PTPRT: variants seen among roughly 807,000 people sequenced by gnomAD.
PTPRT encodes protein tyrosine phosphatase receptor type T.
In PTPRT, 56 loss-of-function variants were observed where a neutral mutation model predicts 176.8. The ratio of observed to expected loss-of-function variants is 0.32; its 90% CI spans 0.26 to 0.40. The LOEUF (loss-of-function observed/expected upper bound fraction) is 0.40, where lower values mean the gene tolerates loss of function less well. Among genes scored for constraint, PTPRT ranks in the 10% least tolerant of loss-of-function variants. The probability of loss-of-function intolerance (pLI) is 1.00; values close to 1 mark genes in which losing one functional copy is unlikely to be tolerated. For missense variants in PTPRT, 1,540 were observed against 1,908.2 expected, an observed-to-expected ratio of 0.81 and a Z score of 3.60; for synonymous variants, 783 against 739.0, an observed-to-expected ratio of 1.06 and a Z score of -0.96.
intron 5 of PTPRT, among the ~76,000 whole-genome samples, chr20:42,762,124 T>C (rs1235483015): frequency 6.6e-6 from 1 of 152,194 alleles, no homozygotes; most frequent in Non-Finnish European, 1.5e-5. Flanking sequence ...AATATATATG[T>C]AAGAAGGAAC....
intron 9 of PTPRT, among the ~76,000 whole-genome samples, chr20:42,376,917 C>T (rs1422191360): frequency 6.6e-6 from 1 of 152,060 alleles, no homozygotes; most frequent in African/African-American, 2.4e-5. Context: ...CTGTGGGATG[C>T]CAGCTGTGGA....
chr20:42,802,091 T>C (rs2077539154), intron 2 of PTPRT, among the ~76,000 whole-genome samples: 1 of 152,224 alleles, frequency 6.6e-6, no homozygotes, highest in South Asian at 2.1e-4. Context: ...TCAGAATTAC[T>C]TGGAAAGCTT....
chr20:42,128,413 T>C (rs551863944), intron 19 of PTPRT, among the ~76,000 whole-genome samples: 25 of 152,128 alleles, frequency 1.6e-4, no homozygotes, highest in Non-Finnish European at 2.9e-4. Context: ...GCATCTAGTA[T>C]ACATTTTACA....
chr20:42,982,051 G>C (rs909311621), intron 1 of PTPRT, among the ~76,000 whole-genome samples: 2 of 152,142 alleles, frequency 1.3e-5, no homozygotes, highest in African/African-American at 4.8e-5. Flanking sequence ...AAGATATGTG[G>C]GTTTCCTAAC....
intron 1 of PTPRT, among the ~76,000 whole-genome samples, chr20:43,154,147 T>C (rs554323088): frequency 1.3e-5 from 2 of 152,338 alleles, no homozygotes; most frequent in African/African-American, 4.8e-5. Flanking sequence ...CATTTCATCA[T>C]TTTGGGACTT....
At position 42,482,189 on chromosome 20, in the gene PTPRT, A is replaced by G. The variant is rs116924894; in HGVS notation, c.1154-9627T>C. Among the ~76,000 whole-genome samples the G allele has an allele frequency of 8.4e-3, 1,273 of 152,314 alleles. 11 individuals are homozygous for G. The highest frequency in any genetic ancestry group is 0.014 in the Middle Eastern group (4 of 294). On this transcript the variant is annotated intron_variant, in intron 7 of 30. Transcript: ENST00000373187. ...GAAAAGGGAGCGGGAAGATTAAGCC[A>G]GAGATAAAGGAGGCAGCACATTTAA...
chr20:42,648,820 G>GTTTTTTTTTTTGTTTTTTTTTTT (rs746084382), intron 7 of PTPRT, among the ~76,000 whole-genome samples: 3 of 111,834 alleles, frequency 2.7e-5, no homozygotes, highest in African/African-American at 1.1e-4. Flanking sequence ...TGGTGTCGTT[G>GTTTTTTTTTTTGTTTTTTTTTTT]TTTTTTTTTT....
In PTPRT at chr20:43,030,946, C is replaced by T. The variant is rs1428947009; in HGVS notation, c.89-145014G>A. ...CAAGAAGGAGGTTTACTGAGGAGAG[C>T]TCCTGAGACCATCACCTGGAAAGGA... On this transcript the variant is annotated intron_variant, in intron 1 of 30. Coordinates refer to ENST00000373187, the MANE Select transcript of PTPRT (RefSeq NM_007050.6). Among the ~76,000 whole-genome samples the T allele has an allele frequency of 2.0e-5, 3 of 152,312 alleles. No individual in the cohort carries two copies. In the East Asian group the frequency reaches 5.8e-4, roughly 29 times the overall value.
chr20:42,128,964 C>T (rs928901784), intron 18 of PTPRT, 134 bp from the exon 19 acceptor site: 1 of 575,198 alleles, frequency 1.7e-6, no homozygotes, highest in Admixed American at 4.0e-5. Flanking sequence ...TCAACACCAC[C>T]CTCAGTTACT....
At chr20:42,370,938 T>C (rs1004860241) in intron 9 of PTPRT, among the ~76,000 whole-genome samples, 3 of 152,180 alleles carry the variant, frequency 2.0e-5, no homozygotes, top group African/African-American at 7.2e-5. Context: ...CTGGCCATGC[T>C]GTTCCCTCAC....
chr20:43,085,562 A>T (rs1300415505), intron 1 of PTPRT, among the ~76,000 whole-genome samples: 1 of 152,172 alleles, frequency 6.6e-6, no homozygotes, highest in Non-Finnish European at 1.5e-5. Context: ...ATGGCTTGGG[A>T]GGCCTCACAA....
At chr20:42,411,590 G>A (rs527288640) in intron 9 of PTPRT, among the ~76,000 whole-genome samples, 7 of 148,876 alleles carry the variant, frequency 4.7e-5, no homozygotes, top group East Asian at 2.0e-4. Context: ...CAGACTGATC[G>A]AGAAAGAAAA....
At chr20:42,212,772 T>C (rs561563572) in intron 15 of PTPRT, among the ~76,000 whole-genome samples, 12 of 152,354 alleles carry the variant, frequency 7.9e-5, no homozygotes, top group African/African-American at 2.9e-4. Flanking sequence ...TGCTCTCTGG[T>C]ATGATCATAT....
At chr20:42,190,312 A>G (rs1201366323) in intron 16 of PTPRT, among the ~76,000 whole-genome samples, 2 of 152,134 alleles carry the variant, frequency 1.3e-5, no homozygotes, top group Middle Eastern at 3.2e-3. Flanking sequence ...CCTGACTCTT[A>G]GATTGTTCAC....
chr20:42,506,420 A>C (rs2071846096), intron 7 of PTPRT, among the ~76,000 whole-genome samples: 2 of 151,992 alleles, frequency 1.3e-5, no homozygotes, highest in Non-Finnish European at 2.9e-5. Flanking sequence ...TTCTTTATTG[A>C]CTTAATTCCT....
At chr20:42,237,117 C>A (rs550195544) in intron 14 of PTPRT, among the ~76,000 whole-genome samples, 15 of 152,164 alleles carry the variant, frequency 9.9e-5, no homozygotes, top group Admixed American at 2.6e-4. Flanking sequence ...TTTCAGCCAA[C>A]CAAGTTATCT....
intron 27 of PTPRT, among the ~76,000 whole-genome samples, chr20:42,095,749 A>AT (rs897811382): frequency 1.4e-4 from 22 of 151,788 alleles, no homozygotes; most frequent in African/African-American, 2.9e-4. Context: ...AGAGATGGCA[A>AT]TTTTTTTTTA....
At chr20:42,730,793 G>A (rs976626723) in intron 6 of PTPRT, among the ~76,000 whole-genome samples, 3 of 152,164 alleles carry the variant, frequency 2.0e-5, no homozygotes, top group Non-Finnish European at 1.5e-5. Flanking sequence ...GAATAAAAAA[G>A]TCTGGTCCTC....
chr20:42,815,300 G>A (rs900423540), intron 2 of PTPRT, among the ~76,000 whole-genome samples: 1 of 152,154 alleles, frequency 6.6e-6, no homozygotes, highest in African/African-American at 2.4e-5. Flanking sequence ...CTGGGGTAGG[G>A]GGGATAGAGT....
Sources: gnomAD v4.1 joint callset for allele counts (sites outside exome capture counted in the v4.1 genomes callset) on GRCh38, gnomAD v4.1.1 for gene constraint, MANE v1.5 for transcripts, NCBI Gene and HGNC (gene_info 2026-07-23, HGNC 2026-07-21) for gene names.